RANBP3L: variants seen among roughly 807,000 people sequenced by gnomAD.
RANBP3L encodes ran-binding protein 3-like.
In RANBP3L, 56 loss-of-function variants were observed where a neutral mutation model predicts 67.2. The ratio of observed to expected loss-of-function variants is 0.83; its 90% CI spans 0.67 to 1.04. The LOEUF is 1.04. Among genes scored for constraint, RANBP3L ranks in the 50% least tolerant of loss-of-function variants. The pLI is 0.00. For missense variants in RANBP3L, 496 were observed against 535.5 expected (o/e 0.93, Z 0.73); for synonymous variants, 164 against 181.4 (o/e 0.90, Z 0.77).
intron 1 of RANBP3L, among the ~76,000 whole-genome samples, chr5:36,278,345 G>A (rs1750743467): frequency 6.6e-6 from 1 of 152,040 alleles, no homozygotes; most frequent in South Asian, 2.1e-4. Flanking sequence ...GTGTGATCCA[G>A]ATGGACCAGC....
intron 1 of RANBP3L, among the ~76,000 whole-genome samples, chr5:36,275,210 G>A (rs1369352942): frequency 1.3e-5 from 2 of 152,016 alleles, no homozygotes; most frequent in African/African-American, 4.8e-5. Flanking sequence ...GTACACTGTG[G>A]GTCAAGTGCT....
rs752390214 is a variant in RANBP3L at position 36,265,144 on chromosome 5, T to C, written c.341-46A>G. On this transcript the variant is annotated intron_variant, in intron 5 of 13. Coordinates refer to ENST00000296604, the MANE Select transcript of RANBP3L (RefSeq NM_145000.5). The stretch of plus-strand genomic sequence containing the variant: ...GGATAAATATATGTTTACTGAAATA[T>C]TCCTTTACTCCCTATTTTTAATTAA... 2.6e-5 allele frequency: 31 copies of C among 1,194,584 alleles called. No homozygotes were observed. The Admixed American group carries it at 4.5e-4, about 18-fold the overall frequency. The allele number at this position is 1,194,584 out of a possible 1,614,324, so 74.0% of individuals were successfully genotyped here. A position where few individuals can be genotyped will look rare whatever the true frequency, so the allele number is the denominator to read the frequency against.
chr5:36,295,814 A>C (rs1363065798), intron 1 of RANBP3L, among the ~76,000 whole-genome samples: 2 of 151,508 alleles, frequency 1.3e-5, no homozygotes, highest in South Asian at 2.1e-4. Context: ...TATCTAAGGG[A>C]TCCTTACATA....
At chr5:36,293,864 T>G (rs1463309635) in intron 1 of RANBP3L, among the ~76,000 whole-genome samples, 4 of 145,176 alleles carry the variant, frequency 2.8e-5, no homozygotes, top group Middle Eastern at 3.4e-3. Context: ...AAAATTCTCT[T>G]TTTTGGTTGT....
At chr5:36,273,718 A>C (rs1750384067) in intron 1 of RANBP3L, among the ~76,000 whole-genome samples, 1 of 152,206 alleles carries the variant, frequency 6.6e-6, no homozygotes, top group African/African-American at 2.4e-5. Context: ...CAGAGTCCTT[A>C]AAATTATATT....
intron 1 of RANBP3L, among the ~76,000 whole-genome samples, chr5:36,278,132 C>T (rs1268523381): frequency 6.6e-6 from 1 of 152,100 alleles, no homozygotes; most frequent in Non-Finnish European, 1.5e-5. Context: ...ATATCACTTA[C>T]CTACTCTATG....
intron 12 of RANBP3L, among the ~76,000 whole-genome samples, chr5:36,252,411 TCA>T (rs1748659959): frequency 6.6e-6 from 1 of 152,100 alleles, no homozygotes; most frequent in Non-Finnish European, 1.5e-5. Flanking sequence ...CATGTGTATT[TCA>T]CAGTCATATT....
intron 1 of RANBP3L, among the ~76,000 whole-genome samples, chr5:36,289,606 T>A (rs1410048548): frequency 1.3e-5 from 2 of 152,224 alleles, no homozygotes; most frequent in Non-Finnish European, 2.9e-5. Context: ...GTCTTGCACG[T>A]ATTTTGTTAA....
chr5:36,270,603 G>T (rs952911298), intron 2 of RANBP3L, among the ~76,000 whole-genome samples: 1 of 152,142 alleles, frequency 6.6e-6, no homozygotes. Flanking sequence ...CAATCCTCTT[G>T]TCTCAGGCTC....
intron 11 of RANBP3L, among the ~76,000 whole-genome samples, chr5:36,254,228 G>T (rs1040499814): frequency 6.6e-6 from 1 of 151,918 alleles, no homozygotes; most frequent in Non-Finnish European, 1.5e-5. Context: ...AAATCATGGT[G>T]TAATATGTAA....
chr5:36,268,620 A>G (rs995707213), intron 4 of RANBP3L, among the ~76,000 whole-genome samples: 3 of 152,194 alleles, frequency 2.0e-5, no homozygotes, highest in Non-Finnish European at 4.4e-5. Flanking sequence ...AGCATAGAAG[A>G]CAAGCAAACT....
At chr5:36,276,058 C>T (rs1750545364) in intron 1 of RANBP3L, among the ~76,000 whole-genome samples, 1 of 152,122 alleles carries the variant, frequency 6.6e-6, no homozygotes, top group Non-Finnish European at 1.5e-5. Context: ...ATTGAATTAT[C>T]CTGCCCAGCA....
At chr5:36,262,261 TTAAA>T (rs2111771933) in intron 6 of RANBP3L, among the ~76,000 whole-genome samples, 1 of 152,284 alleles carries the variant, frequency 6.6e-6, no homozygotes, top group African/African-American at 2.4e-5. Context: ...CACAAAAAAC[TTAAA>T]TAATTTGCCC....
intron 13 of RANBP3L, 75 bp downstream of exon 13, chr5:36,251,237 AT>A: frequency 8.0e-7 from 1 of 1,250,282 alleles, no homozygotes; most frequent in Non-Finnish European, 1.1e-6. Flanking sequence ...TTGTTAAAAA[AT>A]CTACCTAATA....
At chr5:36,284,107 C>G (rs55854130) in intron 1 of RANBP3L, among the ~76,000 whole-genome samples, 23,883 of 152,110 alleles carry the variant, frequency 0.16, 2,128 homozygotes, top group South Asian at 0.31. Flanking sequence ...CCTCAGCCTC[C>G]TAAGTAGCTC....
At chr5:36,253,839 G>A in intron 11 of RANBP3L, 50 bp from the exon 12 acceptor site, 1 of 1,523,540 alleles carries the variant, frequency 6.6e-7, no homozygotes, top group Non-Finnish European at 8.8e-7. Context: ...TGACACGGAG[G>A]AATTTACCAT....
chr5:36,288,647 T>A (rs1339208907), intron 1 of RANBP3L, among the ~76,000 whole-genome samples: 1 of 152,194 alleles, frequency 6.6e-6, no homozygotes, highest in Non-Finnish European at 1.5e-5. Context: ...TATCACCATT[T>A]AAAATTTTAG....
intron 1 of RANBP3L, among the ~76,000 whole-genome samples, chr5:36,277,094 T>C (rs145159797): frequency 0.013 from 1,986 of 152,290 alleles, 19 homozygotes; most frequent in Non-Finnish European, 0.023. Context: ...GCCAAATGGG[T>C]CAGCTCTAAT....
chr5:36,257,455 T>A lies in RANBP3L; in HGVS notation c.771A>T (p.Ser257=). 1 of 1,479,682 alleles carries A rather than the reference T, an allele frequency of 6.8e-7. No homozygotes were observed. Among genetic ancestry groups the A allele is most frequent in the Non-Finnish European group, 9.4e-7 (1 of 1,066,016 alleles). The allele number at this position is 1,479,682 out of a possible 1,614,324, so 91.7% of individuals were successfully genotyped here. A position where few individuals can be genotyped will look rare whatever the true frequency, so the allele number is the denominator to read the frequency against. The change falls in exon 9 of 14, where the codon TCA becomes TCT. Residue 257 remains serine (S), a splice_region_variant and synonymous_variant. Coordinates refer to ENST00000296604, the MANE Select transcript of RANBP3L (RefSeq NM_145000.5). The part of the protein sequence containing the change: ...IPKFPVNFLS[S]RTDSIKNTSL... ...TTTTACAAATGAAAGAATTCTTACT[T>A]GAACTTAAAAAGTTGACAGGAAATT...
Sources: gnomAD v4.1 joint callset for allele counts (sites outside exome capture counted in the v4.1 genomes callset) on GRCh38, gnomAD v4.1.1 for gene constraint, MANE v1.5 for transcripts, NCBI Gene and HGNC (gene_info 2026-07-23, HGNC 2026-07-21) for gene names.